Variants in MARCHF1 observed in about 807,000 individuals in gnomAD.
The protein encoded by MARCHF1 is membrane associated ring-CH-type finger 1.
MARCHF1 carries 40 observed loss-of-function variants against 54.2 expected under a neutral mutation model. That is an observed-to-expected ratio of 0.74 (90% CI 0.57 to 0.96). The LOEUF (loss-of-function observed/expected upper bound fraction) is 0.96, where lower values mean the gene tolerates loss of function less well. MARCHF1 is among the 40% of genes least tolerant of loss of function. The pLI, the probability that MARCHF1 is intolerant of heterozygous loss-of-function variation, is 0.00. For missense variants in MARCHF1, 586 were observed against 656.5 expected (o/e 0.89, Z 1.17); for synonymous variants, 236 against 236.3 (o/e 1.00, Z 0.01).
rs74627087 is a variant in MARCHF1 at position 163,930,439 on chromosome 4, T to C, written c.-39+58062A>G. 7.2e-3 allele frequency among the ~76,000 whole-genome samples: 1,086 copies of C among 151,348 alleles called. 12 individuals are homozygous for C. Among genetic ancestry groups the C allele is most frequent in the East Asian group, 0.039 (201 of 5,132 alleles). On this transcript the variant is annotated intron_variant, in intron 3 of 9. Coordinates refer to ENST00000514618, the MANE Select transcript of MARCHF1 (RefSeq NM_001394959.1). ...CAGGTGAGGATGTTACCTTAGGAGT[T>C]TGGAAAAAGGACTTGTGGTTTGGGC...
At chr4:163,701,336 T>C (rs1744804154) in intron 4 of MARCHF1, among the ~76,000 whole-genome samples, 1 of 152,142 alleles carries the variant, frequency 6.6e-6, no homozygotes. Context: ...TTTTGTTATT[T>C]TACATACTCT....
At chr4:163,650,829 A>G (rs1385221846) in intron 5 of MARCHF1, among the ~76,000 whole-genome samples, 2 of 151,976 alleles carry the variant, frequency 1.3e-5, no homozygotes, top group African/African-American at 4.8e-5. Flanking sequence ...ATTTCCTGCT[A>G]ATCTCAGAGT....
chr4:163,574,362 T>C (rs1232048738), intron 8 of MARCHF1, among the ~76,000 whole-genome samples: 1 of 152,098 alleles, frequency 6.6e-6, no homozygotes, highest in East Asian at 1.9e-4. Flanking sequence ...CCATTGCTTT[T>C]GGTGTTTTAG....
At chr4:164,136,298 T>C (rs1414715531) in intron 1 of MARCHF1, among the ~76,000 whole-genome samples, 3 of 135,788 alleles carry the variant, frequency 2.2e-5, no homozygotes, top group South Asian at 4.6e-4. Context: ...AAGCCAAGAA[T>C]AGATGCATTG....
At chr4:164,052,352 T>A (rs1445136591) in intron 2 of MARCHF1, among the ~76,000 whole-genome samples, 1 of 151,948 alleles carries the variant, frequency 6.6e-6, no homozygotes, top group Non-Finnish European at 1.5e-5. Context: ...GCCAACATGG[T>A]AAAGCCACAT....
At chr4:163,869,603 C>T (rs1402268718) in intron 3 of MARCHF1, among the ~76,000 whole-genome samples, 1 of 151,952 alleles carries the variant, frequency 6.6e-6, no homozygotes, top group Non-Finnish European at 1.5e-5. Flanking sequence ...TGTCAGACAA[C>T]CCAATGGAAA....
rs545944937 is a variant in MARCHF1, at chr4:164,189,770, TG to T, written c.-322-78109del. On this transcript the variant is annotated intron_variant, in intron 1 of 9. Coordinates refer to ENST00000514618, the MANE Select transcript of MARCHF1 (RefSeq NM_001394959.1). The stretch of plus-strand genomic sequence containing the variant: ...AACCAACTGTCATAATCAAGGTCTA[TG>T]AGGATGAATGACCCCTGACAAAAGA... The T allele has an allele frequency of 2.9e-3, 4,060 of 1,386,958 alleles. 12 individuals carry two copies. The highest frequency in any genetic ancestry group is 3.7e-3 in the Non-Finnish European group (3,554 of 971,630). The allele number at this position is 1,386,958 out of a possible 1,614,324, so 85.9% of individuals were successfully genotyped here. A position where few individuals can be genotyped will look rare whatever the true frequency, so the allele number is the denominator to read the frequency against.
intron 1 of MARCHF1, among the ~76,000 whole-genome samples, chr4:164,153,255 AT>A (rs112692473): frequency 0.2 from 29,866 of 152,050 alleles, 4,786 homozygotes; most frequent in African/African-American, 0.43. Context: ...ACTACCTTAG[AT>A]TTTACAATTC....
chr4:164,059,220 G>C (rs1007196557), intron 2 of MARCHF1, among the ~76,000 whole-genome samples: 1 of 152,120 alleles, frequency 6.6e-6, no homozygotes, highest in Non-Finnish European at 1.5e-5. Context: ...ATGATGTCCT[G>C]TTATAGAGGC....
At chr4:164,377,115 A>C (rs1185916595) in intron 1 of MARCHF1, among the ~76,000 whole-genome samples, 1 of 152,210 alleles carries the variant, frequency 6.6e-6, no homozygotes, top group Non-Finnish European at 1.5e-5. Context: ...TTTCTGGAAT[A>C]TGTTATCTGG....
intron 3 of MARCHF1, among the ~76,000 whole-genome samples, chr4:163,986,938 C>G (rs566706565): frequency 6.6e-6 from 1 of 152,262 alleles, no homozygotes; most frequent in Non-Finnish European, 1.5e-5. Context: ...ATTCCAGATA[C>G]CAAACAAATT....
At chr4:164,350,133 G>A (rs574513607) in intron 1 of MARCHF1, among the ~76,000 whole-genome samples, 1 of 152,222 alleles carries the variant, frequency 6.6e-6, no homozygotes, top group South Asian at 2.1e-4. Context: ...AATAATCCAA[G>A]AAAAGAAAAA....
chr4:163,835,974 T>C (rs1296774503), intron 4 of MARCHF1, among the ~76,000 whole-genome samples: 1 of 152,044 alleles, frequency 6.6e-6, no homozygotes, highest in South Asian at 2.1e-4. Context: ...GAAAATAATA[T>C]AACAAAGGGC....
chr4:164,142,959 A>C (rs1579569047), intron 1 of MARCHF1, among the ~76,000 whole-genome samples: 1 of 152,204 alleles, frequency 6.6e-6, no homozygotes, highest in South Asian at 2.1e-4. Flanking sequence ...AGAATAACCA[A>C]AACAGAGAAG....
At chr4:163,712,215 T>A (rs1285129695) in intron 4 of MARCHF1, among the ~76,000 whole-genome samples, 1 of 152,226 alleles carries the variant, frequency 6.6e-6, no homozygotes, top group African/African-American at 2.4e-5. Context: ...GGCCATATAT[T>A]TTTTAAGACT....
intron 1 of MARCHF1, among the ~76,000 whole-genome samples, chr4:164,217,945 AG>A (rs1158557370): frequency 6.6e-6 from 1 of 152,202 alleles, no homozygotes; most frequent in Non-Finnish European, 1.5e-5. Context: ...TTTCAAAAAA[AG>A]ATGGCCTAAC....
intron 1 of MARCHF1, among the ~76,000 whole-genome samples, chr4:164,363,766 CGT>C (rs113007142): frequency 2.0e-5 from 3 of 150,088 alleles, no homozygotes; most frequent in Non-Finnish European, 4.5e-5. Flanking sequence ...ATTAATAAGC[CGT>C]GTGTGTGTGT....
At chr4:164,309,255 TGTG>T (rs1178610361) in intron 1 of MARCHF1, among the ~76,000 whole-genome samples, 3 of 34,710 alleles carry the variant, frequency 8.6e-5, no homozygotes, top group Admixed American at 7.5e-4. Context: ...ATTTCTAACC[TGTG>T]TGTGTGTGTG....
chr4:163,656,118 G>A (rs185257077), intron 5 of MARCHF1, among the ~76,000 whole-genome samples: 3 of 127,046 alleles, frequency 2.4e-5, no homozygotes, highest in African/African-American at 1.1e-4. Context: ...GAATCCAGGA[G>A]CTGTTTTTTT....
Sources: allele counts gnomAD v4.1 joint callset (sites outside exome capture counted in the v4.1 genomes callset), GRCh38; gene constraint gnomAD v4.1.1; transcripts MANE v1.5; gene names NCBI Gene and HGNC (gene_info 2026-07-23, HGNC 2026-07-21).